The following PNLIPRP3 variants were observed in gnomAD, a reference collection of about 807,000 sequenced individuals.
PNLIPRP3 encodes the protein pancreatic lipase-related protein 3.
Under a neutral mutation model 52.8 loss-of-function variants are expected in PNLIPRP3, and 58 were observed. The ratio of observed to expected loss-of-function variants is 1.10; its 90% confidence interval spans 0.89 to 1.37. The LOEUF is 1.37. Ranked by LOEUF, PNLIPRP3 falls within the 40% of genes most tolerant of loss-of-function variation. PNLIPRP3 has a pLI of 0.00. For synonymous variants in PNLIPRP3, 192 were observed against 185.0 expected (o/e 1.04, Z -0.31); for missense variants, 593 against 561.6 (o/e 1.06, Z -0.57).
At position 116,436,655 on chromosome 10, in the gene PNLIPRP3, A is replaced by C. The variant is rs1589975357; in HGVS notation, c.50-56A>C. Reference sequence around the variant, plus strand: ...TCTACTTTAACTCATAGTGAGAAACACAGCCTCTCTCTAAGCCTGGTTCCT... The same window carrying C: ...TCTACTTTAACTCATAGTGAGAAACCCAGCCTCTCTCTAAGCCTGGTTCCT... On this transcript the variant is annotated intron_variant, in intron 1 of 11. Transcript: ENST00000369230. 6 of 1,456,424 alleles carry C rather than the reference A, an allele frequency of 4.1e-6. No homozygotes were observed. In the South Asian group the frequency reaches 9.1e-5, roughly 22 times the overall value. 90.2% of individuals were successfully genotyped at this position (1,456,424 alleles called of 1,614,324 possible).
chr10:116,461,377 T>C lies in PNLIPRP3; in HGVS notation c.808+87T>C, dbSNP rs1846190443. The C allele has an allele frequency of 8.4e-6, 12 of 1,430,104 alleles. No homozygotes were observed. The East Asian group carries it at 1.4e-4, about 16-fold the overall frequency. 88.6% of individuals were successfully genotyped at this position (1,430,104 alleles called of 1,614,324 possible). On this transcript the variant is annotated intron_variant, in intron 7 of 11. Coordinates refer to ENST00000369230, the MANE Select transcript of PNLIPRP3 (RefSeq NM_001011709.3). ...GGGATCCACCTACTTTTGTGTATAA[T>C]ATACATATAAAATGTATTTTCTCTC...
chr10:116,428,128 G>T, intron 1 of PNLIPRP3, 67 bp downstream of exon 1: 1 of 1,127,168 alleles, frequency 8.9e-7, no homozygotes, highest in Non-Finnish European at 1.3e-6. Context: ...AAATGTAATT[G>T]ACATGAACTT....
At chr10:116,436,274 TA>T (rs1436834218) in intron 1 of PNLIPRP3, among the ~76,000 whole-genome samples, 1 of 63,406 alleles carries the variant, frequency 1.6e-5, no homozygotes, top group Non-Finnish European at 6.8e-5. Flanking sequence ...CAACAAATGG[TA>T]TTGGGAATAT....
intron 1 of PNLIPRP3, among the ~76,000 whole-genome samples, chr10:116,434,242 A>C (rs1383401107): frequency 6.6e-6 from 1 of 152,198 alleles, no homozygotes; most frequent in East Asian, 1.9e-4. Flanking sequence ...AGACAAGTAT[A>C]AATAAGAAAA....
Position 116,443,801 on chromosome 10 carries a change from GCATATATATATA to G in PNLIPRP3, c.325-580_325-569del, listed in dbSNP as rs1372783578. On this transcript the variant is annotated intron_variant, in intron 3 of 11. Coordinates refer to ENST00000369230, the MANE Select transcript of PNLIPRP3 (RefSeq NM_001011709.3). ...TGTGTGTGTGTATGTATGTGTGTGT[GCATATATATATA>G]TATATATATATATATATATATATAT... Among the ~76,000 whole-genome samples the G allele has an allele frequency of 2.4e-3, 27 of 11,150 alleles. 2 individuals are homozygous for G. The highest frequency in any genetic ancestry group is 4.5e-3 in the African/African-American group (23 of 5,144). The allele number at this position is 11,150 out of a possible 152,430, so 7.3% of individuals were successfully genotyped here.
chr10:116,439,130 A>T (rs1329371871), intron 2 of PNLIPRP3, among the ~76,000 whole-genome samples: 5 of 152,188 alleles, frequency 3.3e-5, no homozygotes, highest in African/African-American at 1.2e-4. Context: ...AATGTGAATG[A>T]CTTAATGCCA....
chr10:116,450,097 G>A (rs771549978), intron 4 of PNLIPRP3, among the ~76,000 whole-genome samples: 1 of 152,008 alleles, frequency 6.6e-6, no homozygotes, highest in Non-Finnish European at 1.5e-5. Context: ...TTCAGCAAAA[G>A]CAAACTAAGA....
intron 4 of PNLIPRP3, among the ~76,000 whole-genome samples, chr10:116,447,041 C>T (rs959445212): frequency 2.6e-5 from 4 of 152,168 alleles, no homozygotes; most frequent in African/African-American, 9.7e-5. Context: ...GTCATTCAAG[C>T]AGTCACTATA....
chr10:116,461,437 G>A (rs7080915), intron 7 of PNLIPRP3, 147 bp downstream of exon 7: 4 of 977,056 alleles, frequency 4.1e-6, no homozygotes, highest in African/African-American at 1.7e-5. Context: ...TCTCCCACCT[G>A]TTCTCAGATC....
intron 1 of PNLIPRP3, among the ~76,000 whole-genome samples, chr10:116,428,538 T>C (rs1250277228): frequency 6.6e-6 from 1 of 152,190 alleles, no homozygotes; most frequent in Non-Finnish European, 1.5e-5. Context: ...ATTATTAATG[T>C]CAGTTGGAAT....
Position 116,444,421 on chromosome 10 carries a change from G to GAT in PNLIPRP3, c.365_366dup (p.Trp123IlefsTer13), listed in dbSNP as rs750149187. ...GGAAGATATAAATTGCATTAATTTA[G>GAT]ATTGGATCAACGGTTCACGGGAATA... On this transcript the variant is annotated frameshift_variant, in exon 4 of 12. Coordinates refer to ENST00000369230, the MANE Select transcript of PNLIPRP3 (RefSeq NM_001011709.3). LOFTEE classifies it high-confidence loss of function. The GAT allele has an allele frequency of 6.2e-7, 1 of 1,611,986 alleles. No individual in the cohort carries two copies. The highest frequency in any genetic ancestry group is 1.1e-5 in the South Asian group (1 of 90,856).
At chr10:116,453,680 C>G (rs1846071746) in intron 4 of PNLIPRP3, among the ~76,000 whole-genome samples, 1 of 152,086 alleles carries the variant, frequency 6.6e-6, no homozygotes, top group Non-Finnish European at 1.5e-5. Context: ...GGCCCCTCCC[C>G]ACTTGCCTTT....
chr10:116,447,079 A>G (rs1845963875), intron 4 of PNLIPRP3, among the ~76,000 whole-genome samples: 1 of 152,164 alleles, frequency 6.6e-6, no homozygotes, highest in African/African-American at 2.4e-5. Context: ...AGTGCAGACA[A>G]ACAAAGTGAT....
chr10:116,445,775 G>C (rs1845939742), intron 4 of PNLIPRP3, among the ~76,000 whole-genome samples: 1 of 152,162 alleles, frequency 6.6e-6, no homozygotes, highest in Non-Finnish European at 1.5e-5. Flanking sequence ...AGGGTGAGTG[G>C]GCTCCAGGGC....
In PNLIPRP3 at chr10:116,436,761, T is replaced by C; in HGVS notation, c.100T>C (p.Trp34Arg). 1.9e-6 allele frequency: 3 copies of C among 1,613,580 alleles called. No individual in the cohort carries two copies. Among genetic ancestry groups the C allele is most frequent in the Non-Finnish European group, 2.5e-6 (3 of 1,179,756 alleles). ...RLGCFKDGLPWTRTFSTELVG... is the reference protein window; with the variant it reads ...RLGCFKDGLPRTRTFSTELVG... Reference sequence around the variant, plus strand: ...AGGGTGTTTCAAAGATGGTTTACCATGGACCAGGACTTTCTCAACAGAGTT... The same window carrying C: ...AGGGTGTTTCAAAGATGGTTTACCACGGACCAGGACTTTCTCAACAGAGTT... Residue 34 changes from tryptophan to arginine, a missense_variant, in exon 2 of 12, where the codon TGG (tryptophan) becomes CGG (arginine). Transcript: ENST00000369230.
chr10:116,441,236 A>G (rs1845853962), intron 2 of PNLIPRP3, among the ~76,000 whole-genome samples: 1 of 152,178 alleles, frequency 6.6e-6, no homozygotes, highest in South Asian at 2.1e-4. Flanking sequence ...AAGATCACCC[A>G]TATCAGCATA....
At chr10:116,450,372 G>A (rs1846017066) in intron 4 of PNLIPRP3, among the ~76,000 whole-genome samples, 1 of 151,992 alleles carries the variant, frequency 6.6e-6, no homozygotes, top group Non-Finnish European at 1.5e-5. Flanking sequence ...ACTGTGGCAT[G>A]GGGAAACCAA....
In PNLIPRP3 at chr10:116,444,515, T is replaced by G; in HGVS notation, c.456+2T>G. 6.2e-7 allele frequency: 1 copy of G among 1,607,246 alleles called. No individual in the cohort carries two copies. The highest frequency in any genetic ancestry group is 8.5e-7 in the Non-Finnish European group (1 of 1,178,078). On this transcript the variant is annotated splice_donor_variant, in intron 4 of 11. Coordinates refer to ENST00000369230, the MANE Select transcript of PNLIPRP3 (RefSeq NM_001011709.3). LOFTEE classifies it high-confidence loss of function. ...GCTTATTTTATTGATGTTCTCATGG[T>G]AAGAAGAGTTGATTTTTTTTTAATT...
intron 4 of PNLIPRP3, among the ~76,000 whole-genome samples, chr10:116,451,129 G>T (rs1394741246): frequency 6.6e-6 from 1 of 152,126 alleles, no homozygotes; most frequent in African/African-American, 2.4e-5. Context: ...TGTATGTATG[G>T]TCAACTGATC....
Sources: allele counts gnomAD v4.1 joint callset (sites outside exome capture counted in the v4.1 genomes callset), GRCh38; gene constraint gnomAD v4.1.1; transcripts MANE v1.5; gene names NCBI Gene and HGNC (gene_info 2026-07-23, HGNC 2026-07-21).